The following SESTD1 variants were observed in gnomAD, a reference collection of about 807,000 sequenced individuals.
SESTD1 encodes the protein SEC14 and spectrin domain containing 1, also known as SEC14 domain and spectrin repeat-containing protein 1.
A neutral mutation model predicts 101.7 loss-of-function variants in SESTD1; 43 were observed. That is an observed-to-expected ratio of 0.42 (90% CI 0.33 to 0.55). The LOEUF is 0.55. SESTD1 is among the 20% of genes least tolerant of loss of function. SESTD1 has a pLI of 0.07. For missense variants in SESTD1, 647 were observed against 815.1 expected (o/e 0.79, Z 2.51); for synonymous variants, 283 against 286.8 (o/e 0.99, Z 0.13).
At chr2:179,191,348 C>A (rs2046317243) in intron 2 of SESTD1, among the ~76,000 whole-genome samples, 1 of 152,090 alleles carries the variant, frequency 6.6e-6, no homozygotes, top group Non-Finnish European at 1.5e-5. Context: ...AAATATTGCA[C>A]ATTCTCATTT....
At chr2:179,224,597 G>C (rs1208688398) in intron 1 of SESTD1, among the ~76,000 whole-genome samples, 1 of 152,108 alleles carries the variant, frequency 6.6e-6, no homozygotes, top group Non-Finnish European at 1.5e-5. Context: ...TCAACCCTGT[G>C]AATAAAGAGT....
At chr2:179,179,735 C>A (rs1403421767) in intron 3 of SESTD1, among the ~76,000 whole-genome samples, 1 of 152,164 alleles carries the variant, frequency 6.6e-6, no homozygotes, top group Non-Finnish European at 1.5e-5. Flanking sequence ...TCCTCAGACA[C>A]GACAATAGCT....
intron 1 of SESTD1, among the ~76,000 whole-genome samples, chr2:179,257,992 G>A (rs1275033921): frequency 6.6e-6 from 1 of 152,182 alleles, no homozygotes; most frequent in Admixed American, 6.5e-5. Flanking sequence ...CCTTACCAAA[G>A]CCCAATGTGG....
rs1453638011 is a variant in SESTD1, at chr2:179,102,790, G to A, written c.*7109C>T. On this transcript the variant is annotated 3_prime_UTR_variant, in exon 18 of 18. Coordinates refer to ENST00000428443, the MANE Select transcript of SESTD1 (RefSeq NM_178123.5). ...GAAAAAACTACAGCTGGGTGGTATT[G>A]AATAAAGAGACAATATTGAAAATAT... 3.9e-5 allele frequency: 6 copies of A among 152,048 alleles called. No individual in the cohort carries two copies. The highest frequency in any genetic ancestry group is 3.9e-4 in the Admixed American group (6 of 15,262). The allele number at this position is 152,048 out of a possible 1,614,324, so 9.4% of individuals were successfully genotyped here. A position where few individuals can be genotyped will look rare whatever the true frequency, so the allele number is the denominator to read the frequency against.
chr2:179,183,282 TAA>T (rs2046150223), intron 2 of SESTD1, 94 bp from the exon 3 acceptor site: 2 of 742,924 alleles, frequency 2.7e-6, no homozygotes, highest in Non-Finnish European at 2.0e-6. Context: ...AAAATAATGA[TAA>T]GTTTAAGATA....
rs1469332119 is a variant in SESTD1, at chr2:179,210,232, A to C, written c.-25-18366T>G. Among the ~76,000 whole-genome samples, 4 of 130,158 alleles carry C rather than the reference A, an allele frequency of 3.1e-5. 1 individual carries two copies. The highest frequency in any genetic ancestry group is 6.4e-5 in the Non-Finnish European group (4 of 62,682). The allele number at this position is 130,158 out of a possible 152,430, so 85.4% of individuals were successfully genotyped here. A position where few individuals can be genotyped will look rare whatever the true frequency, so the allele number is the denominator to read the frequency against. On this transcript the variant is annotated intron_variant, in intron 1 of 17. Transcript: ENST00000428443. ...ACGAAAGAAGTTGAGGACTAGATGG[A>C]TTCACAGCTGAATTCTATCAAACAT... is the stretch of plus-strand genomic sequence containing the variant.
In SESTD1 at chr2:179,108,433, T is replaced by C. The variant is rs2044434177; in HGVS notation, c.*1466A>G. The stretch of plus-strand genomic sequence containing the variant: ...TTCAGTTTGGTAACTGGGAGGCCAT[T>C]GCTGACTTTCAAAAGAACAGTTTCA... On this transcript the variant is annotated 3_prime_UTR_variant, in exon 18 of 18. Transcript: ENST00000428443. 1 of 152,224 alleles carries C rather than the reference T, an allele frequency of 6.6e-6. No homozygotes were observed. The highest frequency in any genetic ancestry group is 2.1e-4 in the South Asian group (1 of 4,826). 9.4% of individuals were successfully genotyped at this position (152,224 alleles called of 1,614,324 possible). A position where few individuals can be genotyped will look rare whatever the true frequency, so the allele number is the denominator to read the frequency against.
chr2:179,166,501 T>C (rs2045837659), intron 5 of SESTD1, among the ~76,000 whole-genome samples: 1 of 152,030 alleles, frequency 6.6e-6, no homozygotes, highest in South Asian at 2.1e-4. Flanking sequence ...CCCAGGAATA[T>C]ATTATAAACC....
intron 1 of SESTD1, among the ~76,000 whole-genome samples, chr2:179,207,570 C>T (rs1211117298): frequency 2.2e-5 from 3 of 135,012 alleles, no homozygotes; most frequent in Non-Finnish European, 4.8e-5. Context: ...GGACTCTTTG[C>T]AGACATTCCC....
chr2:179,232,246 C>CAA (rs11453861), intron 1 of SESTD1, among the ~76,000 whole-genome samples: 4 of 151,336 alleles, frequency 2.6e-5, no homozygotes, highest in Non-Finnish European at 4.4e-5. Flanking sequence ...ATACATTTTC[C>CAA]AAAAAAAGAT....
intron 5 of SESTD1, among the ~76,000 whole-genome samples, chr2:179,159,688 T>G (rs1274730050): frequency 6.6e-6 from 1 of 152,206 alleles, no homozygotes. Flanking sequence ...CTGGTAGGGC[T>G]TCCTATATTC....
chr2:179,193,572 A>T (rs1245288502), intron 1 of SESTD1, among the ~76,000 whole-genome samples: 5 of 152,224 alleles, frequency 3.3e-5, no homozygotes, highest in Admixed American at 3.3e-4. Flanking sequence ...GATAATAATT[A>T]TTATAATTAA....
chr2:179,126,147 A>AT (rs888468632), intron 10 of SESTD1, among the ~76,000 whole-genome samples: 5 of 152,122 alleles, frequency 3.3e-5, no homozygotes, highest in Admixed American at 2.0e-4. Flanking sequence ...GTTAAAAAAA[A>AT]TTTTTTTCTT....
At chr2:179,256,834 A>C (rs1191240628) in intron 1 of SESTD1, among the ~76,000 whole-genome samples, 1 of 148,662 alleles carries the variant, frequency 6.7e-6, no homozygotes, top group Non-Finnish European at 1.5e-5. Context: ...AAAAAAACTG[A>C]CAGATGAGCA....
At position 179,102,402 on chromosome 2, in the gene SESTD1, G is replaced by C. The variant is rs986394990; in HGVS notation, c.*7497C>G. The C allele has an allele frequency of 3.3e-5, 5 of 152,082 alleles. No homozygotes were observed. Among genetic ancestry groups the C allele is most frequent in the African/African-American group, 4.8e-5 (2 of 41,400 alleles). 9.4% of individuals were successfully genotyped at this position (152,082 alleles called of 1,614,324 possible). On this transcript the variant is annotated 3_prime_UTR_variant, in exon 18 of 18. Coordinates refer to ENST00000428443, the MANE Select transcript of SESTD1 (RefSeq NM_178123.5). ...AGAATTCATCAGATTATCTTATAGA[G>C]ACCAGTGTGACTTAATTCTCCCTAG...
At chr2:179,204,113 T>C (rs1485943069) in intron 1 of SESTD1, among the ~76,000 whole-genome samples, 1 of 132,586 alleles carries the variant, frequency 7.5e-6, no homozygotes, top group East Asian at 2.0e-4. Context: ...AAAAGTTTCA[T>C]ATATATATAT....
intron 1 of SESTD1, among the ~76,000 whole-genome samples, chr2:179,238,543 C>A (rs1273259852): frequency 6.6e-6 from 1 of 152,120 alleles, no homozygotes; most frequent in African/African-American, 2.4e-5. Flanking sequence ...TAGAGATTAA[C>A]CTAATATGAA....
rs1344740672 is a variant in SESTD1 at position 179,102,969 on chromosome 2, T to G, written c.*6930A>C. 6.6e-6 allele frequency: 1 copy of G among 152,142 alleles called. No individual in the cohort carries two copies. The highest frequency in any genetic ancestry group is 2.4e-5 in the African/African-American group (1 of 41,438). 9.4% of individuals were successfully genotyped at this position (152,142 alleles called of 1,614,324 possible). A position where few individuals can be genotyped will look rare whatever the true frequency, so the allele number is the denominator to read the frequency against. On this transcript the variant is annotated 3_prime_UTR_variant, in exon 18 of 18. Coordinates refer to ENST00000428443, the MANE Select transcript of SESTD1 (RefSeq NM_178123.5). ...TCTCTCACATAGCTGTACCTGGGGC[T>G]TACTAGCAATACATGCTTTCCACTA...
intron 1 of SESTD1, among the ~76,000 whole-genome samples, chr2:179,217,168 A>G (rs1329836642): frequency 6.6e-6 from 1 of 152,244 alleles, no homozygotes; most frequent in Non-Finnish European, 1.5e-5. Flanking sequence ...CTGCATGGCA[A>G]AAGAAACTAC....
Sources: gnomAD v4.1 joint callset for allele counts (sites outside exome capture counted in the v4.1 genomes callset) on GRCh38, gnomAD v4.1.1 for gene constraint, MANE v1.5 for transcripts, NCBI Gene and HGNC (gene_info 2026-07-23, HGNC 2026-07-21) for gene names.